Variants in LRRC4C observed in about 807,000 individuals in gnomAD.
LRRC4C encodes leucine rich repeat containing 4C.
Under a neutral mutation model 33.6 loss-of-function variants are expected in LRRC4C, and 5 were observed. The ratio of observed to expected loss-of-function variants is 0.15; its 90% confidence interval spans 0.08 to 0.31. The LOEUF (loss-of-function observed/expected upper bound fraction) is 0.31. LRRC4C is among the 10% of genes least tolerant of loss of function. LRRC4C has a pLI of 1.00. For synonymous variants in LRRC4C, 329 were observed against 302.0 expected, an observed-to-expected ratio of 1.09 and a Z score of -0.93; for missense variants, 560 against 796.7, an observed-to-expected ratio of 0.70 and a Z score of 3.58.
chr11:40,362,457 C>T (rs1276270689), intron 3 of LRRC4C, among the ~76,000 whole-genome samples: 8 of 152,116 alleles, frequency 5.3e-5, no homozygotes, highest in African/African-American at 1.2e-4. Flanking sequence ...CAGTGGCTCA[C>T]ATCTGTAATC....
intron 1 of LRRC4C, among the ~76,000 whole-genome samples, chr11:41,135,328 G>A (rs1221686315): frequency 6.6e-6 from 1 of 152,138 alleles, no homozygotes; most frequent in Non-Finnish European, 1.5e-5. Context: ...GCTAGACAAA[G>A]AAAGTGAAAT....
intron 3 of LRRC4C, among the ~76,000 whole-genome samples, chr11:40,353,326 A>T (rs1947503023): frequency 6.6e-6 from 1 of 151,986 alleles, no homozygotes; most frequent in Non-Finnish European, 1.5e-5. Flanking sequence ...GCTTCAAGTC[A>T]CCAATTCTTT....
intron 3 of LRRC4C, among the ~76,000 whole-genome samples, chr11:40,642,827 T>C (rs1371130157): frequency 6.6e-6 from 1 of 152,350 alleles, no homozygotes; most frequent in East Asian, 1.9e-4. Context: ...TTTTTCTTTT[T>C]GTAAATTCAT....
intron 4 of LRRC4C, among the ~76,000 whole-genome samples, chr11:40,311,803 G>T (rs572996191): frequency 1.3e-5 from 2 of 152,078 alleles, no homozygotes; most frequent in Non-Finnish European, 2.9e-5. Context: ...AAATTAGCTG[G>T]GTGTGGTAGC....
intron 3 of LRRC4C, among the ~76,000 whole-genome samples, chr11:40,392,263 A>G (rs1252583056): frequency 6.6e-6 from 1 of 152,156 alleles, no homozygotes; most frequent in African/African-American, 2.4e-5. Flanking sequence ...ATTTAGCAAA[A>G]CGTATATAAT....
At chr11:40,630,746 T>C (rs760036357) in intron 3 of LRRC4C, among the ~76,000 whole-genome samples, 2 of 152,130 alleles carry the variant, frequency 1.3e-5, no homozygotes, top group African/African-American at 2.4e-5. Flanking sequence ...AGTACTTTGG[T>C]TGCTTGCTTT....
rs577971748 is a variant in LRRC4C, at chr11:41,349,928, A to G, written c.-496+109503T>C. Among the ~76,000 whole-genome samples, 12 of 152,328 alleles carry G rather than the reference A, an allele frequency of 7.9e-5. No homozygotes were observed. In the East Asian group the frequency reaches 2.3e-3, roughly 29 times the overall value. The stretch of plus-strand genomic sequence containing the variant: ...AATTAATTCTTCCAAAACAGAAACA[A>G]TTCTGGTGGCATTGCTTTACATTTT... On this transcript the variant is annotated intron_variant, in intron 1 of 6. Transcript: ENST00000528697.
At chr11:41,343,012 T>G (rs1388541232) in intron 1 of LRRC4C, among the ~76,000 whole-genome samples, 1 of 152,212 alleles carries the variant, frequency 6.6e-6, no homozygotes, top group Non-Finnish European at 1.5e-5. Flanking sequence ...GTCTCTACCT[T>G]TGTCTTCAAA....
intron 5 of LRRC4C, among the ~76,000 whole-genome samples, chr11:40,153,528 A>T (rs1276769983): frequency 6.6e-6 from 1 of 152,160 alleles, no homozygotes; most frequent in African/African-American, 2.4e-5. Flanking sequence ...CAATGCAAGG[A>T]AATACAAAAA....
At chr11:40,977,624 A>G (rs541283903) in intron 1 of LRRC4C, among the ~76,000 whole-genome samples, 1 of 152,268 alleles carries the variant, frequency 6.6e-6, no homozygotes, top group Non-Finnish European at 1.5e-5. Context: ...TTAAGATCCA[A>G]GGAGAAAATG....
chr11:40,665,063 T>C (rs1220401657), intron 2 of LRRC4C, among the ~76,000 whole-genome samples: 1 of 151,552 alleles, frequency 6.6e-6, no homozygotes, highest in Non-Finnish European at 1.5e-5. Flanking sequence ...CTGAGAATGA[T>C]GGTTTGTCAA....
intron 3 of LRRC4C, among the ~76,000 whole-genome samples, chr11:40,450,635 A>G (rs1391923826): frequency 6.6e-6 from 1 of 152,072 alleles, no homozygotes; most frequent in African/African-American, 2.4e-5. Context: ...AGCCTGTTAG[A>G]AAGTATTACA....
chr11:40,858,692 TAAAAAAAAA>T (rs201131448), intron 2 of LRRC4C, among the ~76,000 whole-genome samples: 1 of 80,162 alleles, frequency 1.2e-5, no homozygotes, highest in Non-Finnish European at 2.4e-5. Flanking sequence ...GACTCCTTCT[TAAAAAAAAA>T]AAAAAAAAAA....
intron 1 of LRRC4C, among the ~76,000 whole-genome samples, chr11:41,278,350 C>A (rs183748712): frequency 6.6e-6 from 1 of 152,188 alleles, no homozygotes; most frequent in East Asian, 1.9e-4. Flanking sequence ...CATATTTTTA[C>A]CCATCAACAT....
At chr11:40,504,982 C>G (rs1022231136) in intron 3 of LRRC4C, among the ~76,000 whole-genome samples, 1 of 152,114 alleles carries the variant, frequency 6.6e-6, no homozygotes, top group Non-Finnish European at 1.5e-5. Context: ...ACAGAGTGGG[C>G]CATCTTCAGG....
intron 5 of LRRC4C, among the ~76,000 whole-genome samples, chr11:40,195,587 G>A (rs1311920928): frequency 6.6e-6 from 1 of 151,642 alleles, no homozygotes; most frequent in Admixed American, 6.6e-5. Flanking sequence ...GGGAGAAATT[G>A]TTCATCTTGG....
chr11:40,798,658 T>A (rs1307225840), intron 2 of LRRC4C, among the ~76,000 whole-genome samples: 2 of 151,280 alleles, frequency 1.3e-5, no homozygotes, highest in Non-Finnish European at 3.0e-5. Flanking sequence ...TTTTTTTTTT[T>A]TTGAGATGGA....
At chr11:40,218,321 A>G (rs1864121491) in intron 5 of LRRC4C, among the ~76,000 whole-genome samples, 1 of 152,148 alleles carries the variant, frequency 6.6e-6, no homozygotes, top group Non-Finnish European at 1.5e-5. Context: ...TCCCAATAAA[A>G]TAAAAGAATA....
chr11:40,550,398 A>C (rs1426817985), intron 3 of LRRC4C, among the ~76,000 whole-genome samples: 2 of 152,138 alleles, frequency 1.3e-5, no homozygotes, highest in African/African-American at 4.8e-5. Context: ...GTAACTAAAG[A>C]TCATATTTCT....
Sources: allele counts gnomAD v4.1 joint callset (sites outside exome capture counted in the v4.1 genomes callset), GRCh38; gene constraint gnomAD v4.1.1; transcripts MANE v1.5; gene names NCBI Gene and HGNC (gene_info 2026-07-23, HGNC 2026-07-21).